LRFN2: variants seen among roughly 807,000 people sequenced by gnomAD.
The protein encoded by LRFN2 is leucine rich repeat and fibronectin type III domain containing 2.
LRFN2 carries 18 observed loss-of-function variants against 37.3 expected under a neutral mutation model. That is an observed-to-expected ratio of 0.48 (90% CI 0.33 to 0.72). The LOEUF is 0.72. Ranked by LOEUF, LRFN2 falls within the 30% of genes least tolerant of loss-of-function variation. The pLI is 0.02. For synonymous variants in LRFN2, 556 were observed against 466.6 expected (o/e 1.19, Z -2.47); for missense variants, 1,006 against 1,060.7 (o/e 0.95, Z 0.72).
At chr6:40,447,442 C>A (rs1763999030) in intron 1 of LRFN2, among the ~76,000 whole-genome samples, 1 of 152,190 alleles carries the variant, frequency 6.6e-6, no homozygotes, top group Admixed American at 6.5e-5. Flanking sequence ...AGAGCTGTCA[C>A]CATCCCATGA....
intron 1 of LRFN2, among the ~76,000 whole-genome samples, chr6:40,509,883 C>T (rs749462953): frequency 5.0e-5 from 7 of 141,392 alleles, no homozygotes; most frequent in South Asian, 2.4e-4. Context: ...CACTGGGCTG[C>T]GTAGGTAGTG....
intron 2 of LRFN2, among the ~76,000 whole-genome samples, chr6:40,396,471 C>A (rs915202482): frequency 1.3e-5 from 2 of 152,144 alleles, no homozygotes; most frequent in Admixed American, 6.5e-5. Context: ...TGTGATGAAG[C>A]CACATCCTAA....
intron 2 of LRFN2, among the ~76,000 whole-genome samples, chr6:40,393,138 A>T (rs1762549504): frequency 8.0e-6 from 1 of 125,076 alleles, no homozygotes; most frequent in Non-Finnish European, 1.7e-5. Context: ...AGAGGGGAGG[A>T]GGGAGGGGCA....
intron 1 of LRFN2, among the ~76,000 whole-genome samples, chr6:40,507,614 GT>G (rs960534755): frequency 3.9e-5 from 6 of 152,202 alleles, no homozygotes; most frequent in Non-Finnish European, 5.9e-5. Flanking sequence ...TGGAACCTCA[GT>G]TTTCTCCTCT....
intron 1 of LRFN2, among the ~76,000 whole-genome samples, chr6:40,544,794 G>T (rs1766625480): frequency 6.6e-6 from 1 of 152,206 alleles, no homozygotes; most frequent in Admixed American, 6.5e-5. Flanking sequence ...TGGCCAGAGA[G>T]ACCTACTGCC....
intron 1 of LRFN2, among the ~76,000 whole-genome samples, chr6:40,469,672 G>A (rs1429803728): frequency 6.6e-6 from 1 of 152,148 alleles, no homozygotes; most frequent in African/African-American, 2.4e-5. Flanking sequence ...AACCAGGTCA[G>A]GGCATATCTG....
chr6:40,392,618 G>A lies in LRFN2; in HGVS notation c.1695C>T (p.Pro565=). 6.2e-7 allele frequency: 1 copy of A among 1,610,730 alleles called. No homozygotes were observed. Among genetic ancestry groups the A allele is most frequent in the Non-Finnish European group, 8.5e-7 (1 of 1,179,968 alleles). The change falls in exon 3 of 3, where the codon CCC becomes CCT. Residue 565 remains proline, a synonymous_variant. Coordinates refer to ENST00000338305, the MANE Select transcript of LRFN2 (RefSeq NM_020737.3). The surrounding 1 kb of genome is among the most constrained non-coding windows in gnomAD (Gnocchi z 4.7). ...VRYKVCNHEA[P]SKMAAAVSNV... is the part of the protein sequence containing the mutation. Reference sequence around the variant, plus strand: ...TGCTCACGGCCGCTGCCATCTTGCTGGGGGCCTCGTGGTTGCAGACCTTGT... The same window carrying A: ...TGCTCACGGCCGCTGCCATCTTGCTAGGGGCCTCGTGGTTGCAGACCTTGT...
At chr6:40,410,750 G>A (rs1327087150) in intron 2 of LRFN2, among the ~76,000 whole-genome samples, 4 of 152,186 alleles carry the variant, frequency 2.6e-5, no homozygotes, top group African/African-American at 9.7e-5. Flanking sequence ...GGCAGAAGAT[G>A]AGCCGCCTGA....
At chr6:40,521,185 A>T (rs769379343) in intron 1 of LRFN2, among the ~76,000 whole-genome samples, 1 of 152,080 alleles carries the variant, frequency 6.6e-6, no homozygotes, top group Non-Finnish European at 1.5e-5. Context: ...AGAAGAGAGG[A>T]GGAGGGGAAA....
intron 2 of LRFN2, 104 bp downstream of exon 2, chr6:40,431,610 T>G: frequency 3.0e-6 from 3 of 995,152 alleles, no homozygotes; most frequent in Non-Finnish European, 2.8e-6. Flanking sequence ...ACAGACACCT[T>G]TGGGGAAGAG....
chr6:40,481,172 A>G (rs560187715), intron 1 of LRFN2, among the ~76,000 whole-genome samples: 3 of 152,316 alleles, frequency 2.0e-5, no homozygotes, highest in South Asian at 2.1e-4. Flanking sequence ...GCAGTGTCTC[A>G]CGTCTATAAT....
chr6:40,518,973 G>T (rs1036786466), intron 1 of LRFN2, among the ~76,000 whole-genome samples: 4 of 152,118 alleles, frequency 2.6e-5, no homozygotes, highest in African/African-American at 9.7e-5. Context: ...CACGTTCAGT[G>T]GGGGCTGAAC....
intron 1 of LRFN2, among the ~76,000 whole-genome samples, chr6:40,490,414 G>T (rs1765062522): frequency 6.6e-6 from 1 of 152,170 alleles, no homozygotes; most frequent in South Asian, 2.1e-4. Flanking sequence ...CCATTCTGAA[G>T]CTCAGGCTCA....
chr6:40,442,138 C>T (rs1244317804), intron 1 of LRFN2, among the ~76,000 whole-genome samples: 1 of 152,190 alleles, frequency 6.6e-6, no homozygotes, highest in Non-Finnish European at 1.5e-5. Flanking sequence ...AAAGGCCTCA[C>T]CCTTTCCCTA....
chr6:40,420,172 C>T (rs554686939), intron 2 of LRFN2, among the ~76,000 whole-genome samples: 3 of 152,334 alleles, frequency 2.0e-5, no homozygotes, highest in Admixed American at 6.5e-5. Context: ...AAAGAGTTAA[C>T]GAGCTCGTTC....
intron 1 of LRFN2, among the ~76,000 whole-genome samples, chr6:40,510,086 G>A (rs1353289915): frequency 6.6e-6 from 1 of 151,018 alleles, no homozygotes; most frequent in Non-Finnish European, 1.5e-5. Context: ...GTATGCCACG[G>A]AACACTGGGT....
chr6:40,545,997 T>C (rs558144730), intron 1 of LRFN2, among the ~76,000 whole-genome samples: 55 of 152,330 alleles, frequency 3.6e-4, no homozygotes, highest in African/African-American at 1.1e-3. Context: ...ATTTTAGCGC[T>C]GGCAGTCAAC....
At chr6:40,561,050 G>T (rs1002700517) in intron 1 of LRFN2, among the ~76,000 whole-genome samples, 1 of 152,164 alleles carries the variant, frequency 6.6e-6, no homozygotes, top group Non-Finnish European at 1.5e-5. Context: ...CCTTCACCTA[G>T]TATTATAAGC....
At chr6:40,525,970 C>T (rs550185463) in intron 1 of LRFN2, among the ~76,000 whole-genome samples, 6 of 152,284 alleles carry the variant, frequency 3.9e-5, no homozygotes, top group South Asian at 2.1e-4. Flanking sequence ...ACACTGAACA[C>T]GAAGGCACGA....
Sources: gnomAD v4.1 joint callset for allele counts (sites outside exome capture counted in the v4.1 genomes callset) on GRCh38, gnomAD v4.1.1 for gene constraint, Gnocchi (gnomAD v3.1) non-coding constraint, MANE v1.5 for transcripts, NCBI Gene and HGNC (gene_info 2026-07-23, HGNC 2026-07-21) for gene names.